The following PHACTR3 variants were observed in gnomAD, a reference collection of about 807,000 sequenced individuals.
PHACTR3 encodes protein phosphatase 1, regulatory subunit 123.
Under a neutral mutation model 66.8 loss-of-function variants are expected in PHACTR3, and 16 were observed. The observed-to-expected ratio is 0.24, with a 90% confidence interval of 0.16 to 0.36. The LOEUF (loss-of-function observed/expected upper bound fraction) is 0.36. Ranked by LOEUF, PHACTR3 falls within the 10% of genes least tolerant of loss-of-function variation. The pLI is 1.00. For missense variants in PHACTR3, 647 were observed against 719.9 expected, an observed-to-expected ratio of 0.90 and a Z score of 1.16; for synonymous variants, 323 against 292.1, an observed-to-expected ratio of 1.11 and a Z score of -1.08.
At chr20:59,813,642 G>A (rs79546541) in intron 8 of PHACTR3, among the ~76,000 whole-genome samples, 2 of 152,268 alleles carry the variant, frequency 1.3e-5, no homozygotes, top group Non-Finnish European at 2.9e-5. Context: ...GGGTGAGGGT[G>A]TCCCAGGCAG....
At chr20:59,795,451 T>C (rs2041225631) in intron 7 of PHACTR3, among the ~76,000 whole-genome samples, 1 of 151,520 alleles carries the variant, frequency 6.6e-6, no homozygotes, top group South Asian at 2.1e-4. Context: ...AGAATGTGTA[T>C]TCTGCAGCTG....
intron 1 of PHACTR3, among the ~76,000 whole-genome samples, chr20:59,699,973 G>C (rs554304359): frequency 1.3e-5 from 2 of 152,284 alleles, no homozygotes; most frequent in African/African-American, 4.8e-5. Flanking sequence ...AAAAGAAGAT[G>C]AGAGAAGAGA....
intron 1 of PHACTR3, among the ~76,000 whole-genome samples, chr20:59,731,599 A>G (rs1471991151): frequency 6.6e-6 from 1 of 152,232 alleles, no homozygotes; most frequent in Non-Finnish European, 1.5e-5. Context: ...CATTGGCAGT[A>G]CTATAGGGTT....
chr20:59,635,196 CTTTCT>C (rs1568949211), intron 1 of PHACTR3, among the ~76,000 whole-genome samples: 3 of 38,366 alleles, frequency 7.8e-5, no homozygotes, highest in Non-Finnish European at 9.9e-5. Flanking sequence ...CTTTCTTTCT[CTTTCT>C]TTCTTTCCTT....
chr20:59,834,262 C>T (rs886908838), intron 8 of PHACTR3, among the ~76,000 whole-genome samples: 3 of 152,194 alleles, frequency 2.0e-5, no homozygotes, highest in African/African-American at 7.2e-5. Context: ...CCATCTCCTT[C>T]CTGCTTCCGA....
chr20:59,678,887 G>C (rs2036544408), intron 1 of PHACTR3, among the ~76,000 whole-genome samples: 1 of 148,326 alleles, frequency 6.7e-6, no homozygotes. Flanking sequence ...ACCTGTATCA[G>C]AAGCACCTGG....
chr20:59,779,175 C>G (rs1568813082), intron 7 of PHACTR3, among the ~76,000 whole-genome samples: 2 of 152,212 alleles, frequency 1.3e-5, no homozygotes. Flanking sequence ...CTTCTGTGTG[C>G]TGGTCCCAGG....
At chr20:59,687,480 G>A (rs2036946483) in intron 1 of PHACTR3, among the ~76,000 whole-genome samples, 3 of 152,198 alleles carry the variant, frequency 2.0e-5, no homozygotes, top group African/African-American at 7.2e-5. Context: ...TCCAGTATCA[G>A]TTGAATGCAG....
chr20:59,804,066 A>G (rs554466455), intron 7 of PHACTR3, among the ~76,000 whole-genome samples: 84 of 152,316 alleles, frequency 5.5e-4, no homozygotes, highest in African/African-American at 1.4e-3. Context: ...AAAAGTCCTC[A>G]TTTTAAGCTA....
chr20:59,611,972 A>G (rs1242701454), intron 1 of PHACTR3, among the ~76,000 whole-genome samples: 1 of 152,154 alleles, frequency 6.6e-6, no homozygotes. Flanking sequence ...GCTGTCTGGA[A>G]TGACACAGGT....
At chr20:59,596,385 G>A (rs77195366) in intron 1 of PHACTR3, among the ~76,000 whole-genome samples, 25 of 152,124 alleles carry the variant, frequency 1.6e-4, no homozygotes, top group Non-Finnish European at 3.5e-4. Context: ...CAAGAGATCT[G>A]TCCACCTTGG....
At chr20:59,817,357 A>C (rs1600708985) in intron 8 of PHACTR3, among the ~76,000 whole-genome samples, 1 of 152,204 alleles carries the variant, frequency 6.6e-6, no homozygotes, top group East Asian at 1.9e-4. Context: ...TCTGAGCTGC[A>C]GGTCCTTAGG....
intron 7 of PHACTR3, among the ~76,000 whole-genome samples, chr20:59,778,242 T>C (rs2040602471): frequency 6.6e-6 from 1 of 152,156 alleles, no homozygotes. Flanking sequence ...CTCATAGAAG[T>C]TGGATAATGT....
chr20:59,634,549 C>T (rs1488102538), intron 1 of PHACTR3, among the ~76,000 whole-genome samples: 3 of 152,198 alleles, frequency 2.0e-5, no homozygotes, highest in Admixed American at 1.3e-4. Context: ...GATGAAATGC[C>T]TGTGGTTGTT....
chr20:59,769,187 C>T (rs546529081), intron 5 of PHACTR3, among the ~76,000 whole-genome samples: 8 of 152,248 alleles, frequency 5.3e-5, no homozygotes, highest in Non-Finnish European at 1.2e-4. Context: ...GCACCATGCG[C>T]CCCATCTTCC....
intron 1 of PHACTR3, among the ~76,000 whole-genome samples, chr20:59,635,394 C>G (rs1288607996): frequency 6.6e-6 from 1 of 151,138 alleles, no homozygotes; most frequent in Non-Finnish European, 1.5e-5. Flanking sequence ...CCACCACACT[C>G]GGCTAATTTT....
intron 8 of PHACTR3, among the ~76,000 whole-genome samples, chr20:59,835,411 G>A (rs1369073474): frequency 6.6e-6 from 1 of 152,156 alleles, no homozygotes; most frequent in Non-Finnish European, 1.5e-5. Flanking sequence ...AGGAGTGGCT[G>A]AGCCCCGCAA....
At chr20:59,728,415 C>G (rs1052489841) in intron 1 of PHACTR3, among the ~76,000 whole-genome samples, 2 of 152,104 alleles carry the variant, frequency 1.3e-5, no homozygotes, top group Non-Finnish European at 2.9e-5. Flanking sequence ...CTAACTAAAA[C>G]AACTGAAAAC....
intron 3 of PHACTR3, among the ~76,000 whole-genome samples, chr20:59,754,066 A>G (rs2039695157): frequency 6.6e-6 from 1 of 152,218 alleles, no homozygotes; most frequent in African/African-American, 2.4e-5. Context: ...AGAGATTGAG[A>G]GGAGTCCTGC....
Sources: allele counts gnomAD v4.1 joint callset (sites outside exome capture counted in the v4.1 genomes callset), GRCh38; gene constraint gnomAD v4.1.1; transcripts MANE v1.5; gene names NCBI Gene and HGNC (gene_info 2026-07-23, HGNC 2026-07-21).